CNTNAP2: variants seen among roughly 807,000 people sequenced by gnomAD.
The protein encoded by CNTNAP2 is contactin associated protein 2.
Under a neutral mutation model 155.2 loss-of-function variants are expected in CNTNAP2, and 98 were observed. The ratio of observed to expected loss-of-function variants is 0.63; its 90% CI spans 0.54 to 0.75. The LOEUF (loss-of-function observed/expected upper bound fraction) is 0.75. Ranked by LOEUF, CNTNAP2 falls within the 30% of genes least tolerant of loss-of-function variation. CNTNAP2 has a pLI of 0.00. For missense variants in CNTNAP2, 1,727 were observed against 1,688.1 expected (o/e 1.02, Z -0.40); for synonymous variants, 651 against 631.2 (o/e 1.03, Z -0.47).
chr7:147,235,364 G>GTGTGTGTA (rs1175492535), intron 8 of CNTNAP2, among the ~76,000 whole-genome samples: 3 of 151,492 alleles, frequency 2.0e-5, no homozygotes, highest in African/African-American at 7.3e-5. Flanking sequence ...GTGTGTGTGT[G>GTGTGTGTA]TGTGTGTGTG....
chr7:147,125,237 G>T (rs977291950), intron 6 of CNTNAP2, among the ~76,000 whole-genome samples: 8 of 151,930 alleles, frequency 5.3e-5, no homozygotes, highest in Non-Finnish European at 2.9e-5. Context: ...GGATGGTCTC[G>T]ATCTCTTGGC....
chr7:146,403,919 A>G (rs970240431), intron 1 of CNTNAP2, among the ~76,000 whole-genome samples: 1 of 151,758 alleles, frequency 6.6e-6, no homozygotes, highest in Non-Finnish European at 1.5e-5. Context: ...AGGTCAGGAG[A>G]TCGAGACCAT....
chr7:147,754,074 TA>T (rs1016520346), intron 13 of CNTNAP2, among the ~76,000 whole-genome samples: 1 of 151,526 alleles, frequency 6.6e-6, no homozygotes, highest in African/African-American at 2.4e-5. Context: ...TGGTGTCATC[TA>T]AAAAAAATAA....
chr7:146,254,229 A>G (rs1799803822), intron 1 of CNTNAP2, among the ~76,000 whole-genome samples: 1 of 152,174 alleles, frequency 6.6e-6, no homozygotes. Flanking sequence ...GAAAGCTTAC[A>G]TAACTGTGCA....
chr7:146,642,133 TA>T (rs1441998232), intron 1 of CNTNAP2, among the ~76,000 whole-genome samples: 1 of 151,898 alleles, frequency 6.6e-6, no homozygotes, highest in Non-Finnish European at 1.5e-5. Context: ...TTTGGTTTTT[TA>T]TTTTTTTATT....
chr7:146,639,413 TATCTC>T (rs1476993866), intron 1 of CNTNAP2, among the ~76,000 whole-genome samples: 1 of 152,294 alleles, frequency 6.6e-6, no homozygotes, highest in Admixed American at 6.5e-5. Flanking sequence ...TTACAAGCAT[TATCTC>T]ATCTCATGGA....
At chr7:147,375,923 T>C (rs1796425711) in intron 9 of CNTNAP2, among the ~76,000 whole-genome samples, 1 of 152,000 alleles carries the variant, frequency 6.6e-6, no homozygotes, top group South Asian at 2.1e-4. Context: ...TCCAGGTTTG[T>C]GATTCACAGA....
chr7:147,586,065 G>A (rs1044703043), intron 12 of CNTNAP2, among the ~76,000 whole-genome samples: 2 of 152,110 alleles, frequency 1.3e-5, no homozygotes, highest in African/African-American at 2.4e-5. Context: ...GAGTTAGGGG[G>A]CAGGGGCTTC....
intron 13 of CNTNAP2, chr7:147,704,479 A>T (rs1796280336): frequency 6.0e-6 from 1 of 166,694 alleles, no homozygotes; most frequent in South Asian, 1.8e-4. Context: ...GGAAGAGAAG[A>T]CCACCCATCC....
chr7:147,389,038 C>G (rs1352848652), intron 9 of CNTNAP2, among the ~76,000 whole-genome samples: 1 of 152,148 alleles, frequency 6.6e-6, no homozygotes, highest in Non-Finnish European at 1.5e-5. Context: ...GTCCTGGACA[C>G]CACTAGACTC....
intron 11 of CNTNAP2, among the ~76,000 whole-genome samples, chr7:147,553,099 A>G (rs1378957758): frequency 1.3e-5 from 2 of 152,226 alleles, no homozygotes; most frequent in African/African-American, 2.4e-5. Flanking sequence ...TATCAGTGAC[A>G]TTCTTGAAGG....
intron 14 of CNTNAP2, among the ~76,000 whole-genome samples, chr7:147,962,233 A>C (rs1198227873): frequency 2.0e-5 from 3 of 152,268 alleles, no homozygotes; most frequent in African/African-American, 7.2e-5. Context: ...CAAGTTTATG[A>C]GTACTTTTTC....
chr7:147,519,023 CAAAAAAAAAAAA>C (rs149054741), intron 11 of CNTNAP2, among the ~76,000 whole-genome samples: 2 of 102,292 alleles, frequency 2.0e-5, no homozygotes, highest in Admixed American at 1.1e-4. Flanking sequence ...GACTCTGTCT[CAAAAAAAAAAAA>C]AAAAAAAAAA....
intron 21 of CNTNAP2, among the ~76,000 whole-genome samples, chr7:148,369,352 C>A (rs925712920): frequency 6.6e-6 from 1 of 152,046 alleles, no homozygotes; most frequent in East Asian, 1.9e-4. Context: ...GGGTGTGCCA[C>A]TACACCTGGC....
chr7:147,169,106 A>G (rs1405363200), intron 8 of CNTNAP2, among the ~76,000 whole-genome samples: 1 of 152,138 alleles, frequency 6.6e-6, no homozygotes, highest in Admixed American at 6.5e-5. Flanking sequence ...ACTCTTCTGT[A>G]TATATCTGTA....
chr7:146,815,826 T>A (rs1803157985), intron 2 of CNTNAP2, among the ~76,000 whole-genome samples: 1 of 152,152 alleles, frequency 6.6e-6, no homozygotes, highest in Non-Finnish European at 1.5e-5. Context: ...TTGTTACATA[T>A]GTATACATGT....
chr7:147,637,402 C>G (rs1437147339), intron 12 of CNTNAP2, among the ~76,000 whole-genome samples: 2 of 152,030 alleles, frequency 1.3e-5, no homozygotes, highest in African/African-American at 2.4e-5. Flanking sequence ...GAAAGAGAGG[C>G]ATTAATGGTG....
At chr7:146,732,448 T>G (rs1216885046) in intron 1 of CNTNAP2, among the ~76,000 whole-genome samples, 1 of 152,172 alleles carries the variant, frequency 6.6e-6, no homozygotes, top group Non-Finnish European at 1.5e-5. Context: ...GTCAGATGCT[T>G]TTCTCAGCTC....
chr7:147,640,987 C>T (rs1353548254), intron 13 of CNTNAP2, among the ~76,000 whole-genome samples: 3 of 152,178 alleles, frequency 2.0e-5, no homozygotes, highest in East Asian at 3.9e-4. Context: ...TGATGCTCTA[C>T]CCACATGGAG....
Sources: allele counts gnomAD v4.1 joint callset (sites outside exome capture counted in the v4.1 genomes callset), GRCh38; gene constraint gnomAD v4.1.1; transcripts MANE v1.5; gene names NCBI Gene and HGNC (gene_info 2026-07-23, HGNC 2026-07-21).